The following HYCC1 variants were observed in gnomAD, a reference collection of about 807,000 sequenced individuals.
The protein encoded by HYCC1 is hyccin PI4KA lipid kinase complex subunit 1.
chr7:23,008,279 T>G, the HYCC1 span, among the ~76,000 whole-genome samples: 1 of 152,048 alleles, frequency 6.6e-6, no homozygotes, highest in Non-Finnish European at 1.5e-5. Context: ...AAAATAATTT[T>G]AAGAGTTCCA....
the HYCC1 span, among the ~76,000 whole-genome samples, chr7:23,006,052 C>A: frequency 1.3e-5 from 2 of 152,226 alleles, no homozygotes; most frequent in Non-Finnish European, 2.9e-5. Flanking sequence ...TCAGCAGGAA[C>A]CTTGAAATTT....
At chr7:22,978,218 A>G in the HYCC1 span, 1 of 1,517,990 alleles carries the variant, frequency 6.6e-7, no homozygotes, top group Non-Finnish European at 9.1e-7. Context: ...TGCACAGGTT[A>G]TATATTTGAT....
At chr7:23,001,594 A>G in the HYCC1 span, among the ~76,000 whole-genome samples, 1 of 152,174 alleles carries the variant, frequency 6.6e-6, no homozygotes, top group Non-Finnish European at 1.5e-5. Context: ...TGAGAACTAT[A>G]GGGTAGTAAA....
At chr7:22,945,631 C>A in the HYCC1 span, 4 of 1,613,538 alleles carry the variant, frequency 2.5e-6, no homozygotes, top group Non-Finnish European at 1.7e-6. Flanking sequence ...GAGGTCTCTG[C>A]TGACCTGATT....
chr7:22,976,216 C>T, the HYCC1 span: 1 of 1,606,576 alleles, frequency 6.2e-7, no homozygotes, highest in Non-Finnish European at 8.5e-7. Context: ...TTACCTTGAA[C>T]AAATTTGACA....
the HYCC1 span, among the ~76,000 whole-genome samples, chr7:22,994,644 A>C: frequency 9.8e-5 from 15 of 152,302 alleles, no homozygotes; most frequent in African/African-American, 3.1e-4. Flanking sequence ...ATGGACACTC[A>C]CTTGTTTAGC....
chr7:22,945,724 A>G, the HYCC1 span: 42 of 1,613,760 alleles, frequency 2.6e-5, no homozygotes, highest in Non-Finnish European at 3.4e-5. Flanking sequence ...ACCTATTGGC[A>G]TCTGTCCCAG....
the HYCC1 span, among the ~76,000 whole-genome samples, chr7:22,957,312 A>G: frequency 6.6e-6 from 1 of 151,558 alleles, no homozygotes; most frequent in Non-Finnish European, 1.5e-5. Context: ...GAAAAAAAAA[A>G]AAAAGCAAAA....
At chr7:22,935,690 G>A in the HYCC1 span, 49 of 152,246 alleles carry the variant, frequency 3.2e-4, no homozygotes, top group African/African-American at 1.1e-3. Context: ...CTGTTGCCCA[G>A]GCTGGAGTGC....
chr7:22,920,614 C>T, the HYCC1 span, among the ~76,000 whole-genome samples: 3,218 of 152,002 alleles, frequency 0.021, 66 homozygotes, highest in East Asian at 0.11. Flanking sequence ...ACAAGAAAGA[C>T]CAAAGGAAGT....
chr7:22,999,561 A>C, the HYCC1 span, among the ~76,000 whole-genome samples: 1 of 152,342 alleles, frequency 6.6e-6, no homozygotes, highest in Middle Eastern at 3.4e-3. Context: ...CAGGATGTCA[A>C]GTCGACAGCC....
At chr7:22,925,340 T>C in the HYCC1 span, among the ~76,000 whole-genome samples, 1 of 151,950 alleles carries the variant, frequency 6.6e-6, no homozygotes, top group Non-Finnish European at 1.5e-5. Flanking sequence ...GAGAATAACT[T>C]TGATGAGTTG....
At chr7:22,913,139 G>C in the HYCC1 span, among the ~76,000 whole-genome samples, 1 of 139,514 alleles carries the variant, frequency 7.2e-6, no homozygotes, top group Non-Finnish European at 1.6e-5. Context: ...AAAAAAAAAA[G>C]AAGTACTCTC....
the HYCC1 span, among the ~76,000 whole-genome samples, chr7:22,987,354 C>A: frequency 6.6e-6 from 1 of 152,162 alleles, no homozygotes; most frequent in African/African-American, 2.4e-5. Context: ...TCGAGACCAG[C>A]CTCGCTAACA....
chr7:22,951,142 T>C, the HYCC1 span, among the ~76,000 whole-genome samples: 1 of 151,918 alleles, frequency 6.6e-6, no homozygotes, highest in African/African-American at 2.4e-5. Context: ...GTGAAGCAAA[T>C]TGCAAATATT....
chr7:22,961,215 TA>T, the HYCC1 span: 1 of 1,473,768 alleles, frequency 6.8e-7, no homozygotes, highest in Non-Finnish European at 9.5e-7. Context: ...AACATTTACA[TA>T]AATAAGTCAG....
At chr7:22,993,927 A>AT in the HYCC1 span, among the ~76,000 whole-genome samples, 585 of 152,306 alleles carry the variant, frequency 3.8e-3, 4 homozygotes, top group Middle Eastern at 0.01. Context: ...AAATGAGGAC[A>AT]TATGTTCTCT....
the HYCC1 span, among the ~76,000 whole-genome samples, chr7:22,902,983 G>C: frequency 3.9e-5 from 6 of 152,046 alleles, no homozygotes; most frequent in Non-Finnish European, 5.9e-5. Context: ...AATAACATTA[G>C]TCATTAGGAA....
the HYCC1 span, among the ~76,000 whole-genome samples, chr7:22,988,110 T>C: frequency 1.3e-5 from 2 of 151,286 alleles, no homozygotes; most frequent in Non-Finnish European, 2.9e-5. Flanking sequence ...TTGTCAAACA[T>C]AGAGCTGAAT....
Sources: allele counts gnomAD v4.1 joint callset (sites outside exome capture counted in the v4.1 genomes callset), GRCh38; gene constraint gnomAD v4.1.1; transcripts MANE v1.5; gene names NCBI Gene and HGNC (gene_info 2026-07-23, HGNC 2026-07-21).